Variants in LRP1B observed in about 807,000 individuals in gnomAD.
LRP1B encodes the protein LDL receptor related protein 1B, also known as low-density lipoprotein receptor-related protein 1B.
Under a neutral mutation model 556.6 loss-of-function variants are expected in LRP1B, and 217 were observed. The ratio of observed to expected loss-of-function variants is 0.39; its 90% CI spans 0.35 to 0.44. The LOEUF is 0.44. Among genes scored for constraint, LRP1B ranks in the 20% least tolerant of loss-of-function variants. LRP1B has a pLI of 1.00. For synonymous variants in LRP1B, 2,047 were observed against 1,865.8 expected (o/e 1.10, Z -2.50); for missense variants, 5,053 against 5,620.8 (o/e 0.90, Z 3.23).
intron 1 of LRP1B, among the ~76,000 whole-genome samples, chr2:141,939,601 T>C: frequency 6.6e-6 from 1 of 152,258 alleles, no homozygotes; most frequent in East Asian, 1.9e-4. Context: ...CCAAAGTTAA[T>C]AAATACTTAA....
At chr2:141,946,366 A>C (rs1489869163) in intron 1 of LRP1B, among the ~76,000 whole-genome samples, 1 of 152,208 alleles carries the variant, frequency 6.6e-6, no homozygotes, top group East Asian at 1.9e-4. Context: ...TATATTAAGA[A>C]AAGTGCCTCT....
chr2:141,708,399 T>A (rs1692231253), intron 2 of LRP1B, among the ~76,000 whole-genome samples: 1 of 152,018 alleles, frequency 6.6e-6, no homozygotes, highest in Admixed American at 6.6e-5. Context: ...ACAGAGTTGG[T>A]TTTTCCCTTT....
intron 1 of LRP1B, among the ~76,000 whole-genome samples, chr2:141,837,921 T>C (rs1034361498): frequency 1.3e-5 from 2 of 152,104 alleles, no homozygotes; most frequent in African/African-American, 4.8e-5. Context: ...ATGTAATTGA[T>C]ATGGTGAAAA....
rs570471066 is a variant in LRP1B at position 141,761,529 on chromosome 2, A to G, written c.205+48750T>C. 2.6e-5 allele frequency among the ~76,000 whole-genome samples: 4 copies of G among 152,302 alleles called. No individual in the cohort carries two copies. In the South Asian group the frequency reaches 8.3e-4, roughly 32 times the overall value. On this transcript the variant is annotated intron_variant, in intron 2 of 90. Coordinates refer to ENST00000389484, the MANE Select transcript of LRP1B (RefSeq NM_018557.3). Reference sequence around the variant, plus strand: ...AAAATTTGCTTAAAAATAATGACAAAATAATGATACAAAGGAAAAGCTTGA... The same window carrying G: ...AAAATTTGCTTAAAAATAATGACAAGATAATGATACAAAGGAAAAGCTTGA...
intron 3 of LRP1B, among the ~76,000 whole-genome samples, chr2:141,406,217 G>A (rs1690627756): frequency 3.3e-5 from 5 of 151,968 alleles, no homozygotes; most frequent in Non-Finnish European, 1.5e-5. Context: ...TAAAACATAA[G>A]CCTTTCTTAT....
At chr2:140,289,386 T>G (rs1683284416) in intron 84 of LRP1B, among the ~76,000 whole-genome samples, 1 of 152,106 alleles carries the variant, frequency 6.6e-6, no homozygotes, top group South Asian at 2.1e-4. Flanking sequence ...TTCAAAAAAC[T>G]TTTATACTGA....
intron 3 of LRP1B, among the ~76,000 whole-genome samples, chr2:141,295,483 G>A (rs1336419682): frequency 6.6e-6 from 1 of 151,996 alleles, no homozygotes; most frequent in Admixed American, 6.6e-5. Flanking sequence ...ATTGTCAATG[G>A]TCTGAACTAA....
chr2:140,852,906 A>AG (rs1338020753), intron 27 of LRP1B, among the ~76,000 whole-genome samples: 1 of 151,978 alleles, frequency 6.6e-6, no homozygotes, highest in Non-Finnish European at 1.5e-5. Context: ...CCTATCTAGT[A>AG]GAAAAAAGTC....
At chr2:141,411,399 T>A (rs1371033788) in intron 3 of LRP1B, among the ~76,000 whole-genome samples, 1 of 152,124 alleles carries the variant, frequency 6.6e-6, no homozygotes, top group Non-Finnish European at 1.5e-5. Context: ...GGAAGACACC[T>A]TTCAGAGAGA....
intron 67 of LRP1B, among the ~76,000 whole-genome samples, chr2:140,383,561 C>T (rs1274698592): frequency 6.6e-6 from 1 of 152,052 alleles, no homozygotes; most frequent in African/African-American, 2.4e-5. Flanking sequence ...TATCTTCAAG[C>T]CCTATTCAAT....
chr2:141,537,887 T>G (rs1685120244), intron 2 of LRP1B, among the ~76,000 whole-genome samples: 1 of 152,100 alleles, frequency 6.6e-6, no homozygotes, highest in Admixed American at 6.6e-5. Flanking sequence ...TCAGACTCCA[T>G]AACAATCCTC....
At chr2:141,075,710 T>C (rs889502061) in intron 7 of LRP1B, among the ~76,000 whole-genome samples, 2 of 152,194 alleles carry the variant, frequency 1.3e-5, no homozygotes, top group Admixed American at 6.5e-5. Flanking sequence ...ATAACACAGA[T>C]GGCTGTCTCA....
intron 7 of LRP1B, among the ~76,000 whole-genome samples, chr2:141,119,286 AG>A (rs1243689505): frequency 2.0e-5 from 3 of 151,890 alleles, no homozygotes; most frequent in African/African-American, 7.2e-5. Flanking sequence ...AAGAAAAGAA[AG>A]GTCTTAGGGC....
At chr2:140,807,369 C>G (rs1170621769) in intron 32 of LRP1B, among the ~76,000 whole-genome samples, 2 of 151,896 alleles carry the variant, frequency 1.3e-5, no homozygotes. Context: ...TAGACAGAGT[C>G]TCACTCTATC....
chr2:140,662,779 T>C (rs755792953), intron 41 of LRP1B, among the ~76,000 whole-genome samples: 3 of 152,114 alleles, frequency 2.0e-5, no homozygotes, highest in Non-Finnish European at 2.9e-5. Flanking sequence ...AGGTCTAAAA[T>C]ACAAAGTCTC....
At chr2:140,625,397 T>C (rs1436076316) in intron 41 of LRP1B, among the ~76,000 whole-genome samples, 2 of 152,156 alleles carry the variant, frequency 1.3e-5, no homozygotes, top group Non-Finnish European at 2.9e-5. Context: ...TCCATTAAAC[T>C]TAAAAGCCTG....
Position 141,978,637 on chromosome 2 carries a change from C to T in LRP1B, c.82+152011G>A, listed in dbSNP as rs112641817. On this transcript the variant is annotated intron_variant, in intron 1 of 90. Transcript: ENST00000389484. ...AAGCTTCCAGAGCCATTAATAAAGG[C>T]AATAGATTTAATGTATATCTCAAAA... Among the ~76,000 whole-genome samples the T allele has an allele frequency of 8.6e-3, 1,299 of 151,832 alleles. 17 individuals are homozygous for T. Among genetic ancestry groups the T allele is most frequent in the African/African-American group, 0.03 (1,244 of 41,456 alleles).
chr2:141,332,179 A>C (rs181578024), intron 3 of LRP1B, among the ~76,000 whole-genome samples: 1 of 152,082 alleles, frequency 6.6e-6, no homozygotes, highest in African/African-American at 2.4e-5. Flanking sequence ...AGATGCAACT[A>C]TGTCTACCTA....
intron 27 of LRP1B, among the ~76,000 whole-genome samples, chr2:140,862,504 C>T (rs1005540308): frequency 3.3e-5 from 5 of 152,154 alleles, no homozygotes; most frequent in Non-Finnish European, 7.4e-5. Context: ...TGCTGACCCT[C>T]TCTCTTAAAG....
Sources: allele counts gnomAD v4.1 joint callset (sites outside exome capture counted in the v4.1 genomes callset), GRCh38; gene constraint gnomAD v4.1.1; transcripts MANE v1.5; gene names NCBI Gene and HGNC (gene_info 2026-07-23, HGNC 2026-07-21).